The following CSMD1 variants were observed in gnomAD, a reference collection of about 807,000 sequenced individuals.
CSMD1 encodes the protein CUB and Sushi multiple domains 1.
A neutral mutation model predicts 417.5 loss-of-function variants in CSMD1; 213 were observed. The observed-to-expected ratio is 0.51, with a 90% CI of 0.46 to 0.57. The LOEUF (loss-of-function observed/expected upper bound fraction) is 0.57, where lower values mean the gene tolerates loss of function less well. Among genes scored for constraint, CSMD1 ranks in the 20% least tolerant of loss-of-function variants. The pLI is 0.00. For missense variants in CSMD1, 6,923 were observed against 4,529.7 expected (o/e 1.53, Z -15.17); for synonymous variants, 2,862 against 1,736.8 (o/e 1.65, Z -16.11).
At chr8:3,947,708 A>G (rs1248178031) in intron 5 of CSMD1, among the ~76,000 whole-genome samples, 3 of 152,212 alleles carry the variant, frequency 2.0e-5, no homozygotes, top group Non-Finnish European at 4.4e-5. Flanking sequence ...TTTTTAATTG[A>G]CTAAGCCTTT....
intron 26 of CSMD1, among the ~76,000 whole-genome samples, chr8:3,246,352 C>T (rs1179451788): frequency 1.3e-5 from 2 of 152,162 alleles, no homozygotes; most frequent in African/African-American, 2.4e-5. Context: ...TGCAAAAATC[C>T]TTATTTGGGT....
chr8:4,569,072 G>A (rs1798757787), intron 2 of CSMD1, among the ~76,000 whole-genome samples: 1 of 149,868 alleles, frequency 6.7e-6, no homozygotes, highest in African/African-American at 2.4e-5. Context: ...TAGGTTGCCT[G>A]TTCACTGTTC....
chr8:3,991,367 C>T (rs1159357144), intron 5 of CSMD1, among the ~76,000 whole-genome samples: 4 of 152,170 alleles, frequency 2.6e-5, no homozygotes, highest in African/African-American at 9.7e-5. Flanking sequence ...CTACCTAAGA[C>T]TTCAGTGCGT....
intron 3 of CSMD1, among the ~76,000 whole-genome samples, chr8:4,256,245 C>G (rs1013829203): frequency 2.0e-5 from 3 of 152,228 alleles, no homozygotes; most frequent in South Asian, 2.1e-4. Flanking sequence ...AACCTTCTCT[C>G]TCTGCTTTGA....
chr8:4,745,669 A>T (rs1810906062), intron 1 of CSMD1, among the ~76,000 whole-genome samples: 2 of 152,236 alleles, frequency 1.3e-5, no homozygotes. Context: ...AAGAAAACAC[A>T]GATTTTAAGC....
intron 3 of CSMD1, among the ~76,000 whole-genome samples, chr8:4,169,006 G>A (rs533140746): frequency 5.3e-5 from 8 of 152,068 alleles, no homozygotes; most frequent in East Asian, 1.9e-4. Flanking sequence ...CTTATCAGCC[G>A]CTTACTCTTA....
chr8:3,427,446 CTATA>C (rs1416230533), intron 12 of CSMD1, among the ~76,000 whole-genome samples: 3 of 151,890 alleles, frequency 2.0e-5, no homozygotes, highest in Admixed American at 6.6e-5. Flanking sequence ...TCCACAATTC[CTATA>C]TATATATTTT....
intron 3 of CSMD1, among the ~76,000 whole-genome samples, chr8:4,184,338 C>A (rs771087980): frequency 2.0e-5 from 3 of 152,108 alleles, no homozygotes; most frequent in Non-Finnish European, 4.4e-5. Context: ...TTAGACAAGT[C>A]ATTAGTCATC....
chr8:4,747,150 A>G (rs1214219539), intron 1 of CSMD1, among the ~76,000 whole-genome samples: 8 of 152,130 alleles, frequency 5.3e-5, no homozygotes, highest in Non-Finnish European at 4.4e-5. Flanking sequence ...GATTTGGCCA[A>G]TCTTTACTTA....
intron 12 of CSMD1, among the ~76,000 whole-genome samples, chr8:3,432,503 A>C (rs1283889101): frequency 3.0e-5 from 4 of 135,400 alleles, no homozygotes; most frequent in Non-Finnish European, 1.6e-5. Context: ...TGTTTTCAAT[A>C]TGGGCTTTTT....
intron 49 of CSMD1, among the ~76,000 whole-genome samples, chr8:3,058,420 G>C (rs1812377857): frequency 6.6e-6 from 1 of 152,142 alleles, no homozygotes; most frequent in South Asian, 2.1e-4. Flanking sequence ...ATTACAATTT[G>C]CATTACCAAC....
chr8:3,930,762 G>A (rs886762625), intron 5 of CSMD1, among the ~76,000 whole-genome samples: 3 of 150,246 alleles, frequency 2.0e-5, no homozygotes, highest in Non-Finnish European at 3.0e-5. Context: ...ACTTCTTTAC[G>A]GCACCAGGGA....
chr8:3,732,721 C>T (rs766071830), intron 6 of CSMD1, among the ~76,000 whole-genome samples: 27 of 152,096 alleles, frequency 1.8e-4, no homozygotes, highest in Non-Finnish European at 3.4e-4. Context: ...CCCAGATGAA[C>T]TGAACCTTCA....
intron 5 of CSMD1, among the ~76,000 whole-genome samples, chr8:3,953,255 G>C (rs544842292): frequency 3.9e-5 from 6 of 152,206 alleles, no homozygotes; most frequent in African/African-American, 1.2e-4. Context: ...GAGTTAAGGA[G>C]AAGTTTTTAC....
At chr8:3,884,912 A>AATATAT (rs35616416) in intron 5 of CSMD1, among the ~76,000 whole-genome samples, 7 of 145,766 alleles carry the variant, frequency 4.8e-5, no homozygotes, top group Admixed American at 3.5e-4. Context: ...AGGCCTTCTA[A>AATATAT]ATATATATAT....
chr8:4,571,128 A>T (rs150181396), intron 2 of CSMD1, among the ~76,000 whole-genome samples: 4 of 151,962 alleles, frequency 2.6e-5, no homozygotes, highest in African/African-American at 9.7e-5. Context: ...AGGGATTTTC[A>T]TGTCTCTATC....
At chr8:4,129,756 C>T (rs973706674) in intron 3 of CSMD1, among the ~76,000 whole-genome samples, 1 of 152,088 alleles carries the variant, frequency 6.6e-6, no homozygotes, top group Non-Finnish European at 1.5e-5. Flanking sequence ...AAATAACCAT[C>T]CTGGAAAATT....
Position 3,107,776 on chromosome 8 carries a change from T to A in CSMD1, c.6777A>T (p.Gln2259His). ...NFHAFQLKKCQPPPAVPQAEM... is the reference protein window; with the variant it reads ...NFHAFQLKKCHPPPAVPQAEM... ...CTGCCTGTGGAACCGCTGGGGGAGG[T>A]TGACATTTCTTGAGCTGAAATGCTA... Residue 2259 changes from glutamine to histidine, a missense_variant, in exon 45 of 70, where the codon CAA becomes CAT. Transcript: ENST00000635120. 1.9e-6 allele frequency: 3 copies of A among 1,583,588 alleles called. No individual in the cohort carries two copies. The highest frequency in any genetic ancestry group is 2.6e-6 in the Non-Finnish European group (3 of 1,170,238).
chr8:3,984,771 G>T (rs868510554), intron 5 of CSMD1, among the ~76,000 whole-genome samples: 35 of 139,220 alleles, frequency 2.5e-4, no homozygotes, highest in African/African-American at 9.0e-4. Context: ...ATTTGTGCGT[G>T]TGTGTGTGTG....
Sources: allele counts gnomAD v4.1 joint callset (sites outside exome capture counted in the v4.1 genomes callset), GRCh38; gene constraint gnomAD v4.1.1; transcripts MANE v1.5; gene names NCBI Gene and HGNC (gene_info 2026-07-23, HGNC 2026-07-21).